ZBTB8A: variants seen among roughly 807,000 people sequenced by gnomAD.
ZBTB8A encodes zinc finger and BTB domain-containing protein 8A.
ZBTB8A carries 19 observed loss-of-function variants against 37.8 expected under a neutral mutation model. That is an observed-to-expected ratio of 0.50 (90% CI 0.35 to 0.74). ZBTB8A has a LOEUF of 0.74. Ranked by LOEUF, ZBTB8A falls within the 30% of genes least tolerant of loss-of-function variation. The pLI is 0.01. For missense variants in ZBTB8A, 394 were observed against 537.8 expected, an observed-to-expected ratio of 0.73 and a Z score of 2.65; for synonymous variants, 181 against 185.2, an observed-to-expected ratio of 0.98 and a Z score of 0.19.
At chr1:32,581,391 G>T (rs1473648661) in intron 2 of ZBTB8A, among the ~76,000 whole-genome samples, 1 of 142,202 alleles carries the variant, frequency 7.0e-6, no homozygotes, top group Non-Finnish European at 1.5e-5. Flanking sequence ...CCCTCTTGTT[G>T]CCCAGGCTGG....
rs1218841227 is a variant in ZBTB8A, at chr1:32,600,360, C to G, written c.1267C>G (p.Gln423Glu). The G allele has an allele frequency of 6.2e-7, 1 of 1,613,966 alleles. No homozygotes were observed. The highest frequency in any genetic ancestry group is 1.7e-5 in the Admixed American group (1 of 60,002). ...AGATGGGTCTGCTGATCTGGTCATC[C>G]AACAGGTTGATGATAGTGAAGAAGA... is the stretch of plus-strand genomic sequence containing the variant. ...VEDGSADLVI[Q>E]QVDDSEEEEE... Residue 423 changes from glutamine (Q) to glutamate (E), a missense_variant, in exon 5 of 5, where the codon CAA becomes GAA. This residue lies in a region of ZBTB8A where 85 missense variants were observed against 89.0 expected (regional missense o/e 0.95). Transcript: ENST00000373510.
chr1:32,550,578 C>T (rs569852862), intron 1 of ZBTB8A, among the ~76,000 whole-genome samples: 2 of 152,212 alleles, frequency 1.3e-5, no homozygotes, highest in Admixed American at 6.5e-5. Context: ...GAGCCAAGAT[C>T]GTGCCACTGT....
At chr1:32,586,673 C>G (rs2148245572) in intron 2 of ZBTB8A, among the ~76,000 whole-genome samples, 1 of 152,030 alleles carries the variant, frequency 6.6e-6, no homozygotes, top group East Asian at 1.9e-4. Context: ...GGCTGTGTGG[C>G]AGGAACATAC....
chr1:32,582,257 A>C (rs915658475), intron 2 of ZBTB8A, among the ~76,000 whole-genome samples: 1 of 152,144 alleles, frequency 6.6e-6, no homozygotes, highest in Admixed American at 6.6e-5. Flanking sequence ...TGGATTTTCC[A>C]ATTAGGGATG....
In ZBTB8A at chr1:32,603,079, C is replaced by G. The variant is rs1644589324; in HGVS notation, c.*2660C>G. The G allele has an allele frequency of 6.6e-6, 1 of 152,116 alleles. No individual in the cohort carries two copies. The highest frequency in any genetic ancestry group is 2.1e-4 in the South Asian group (1 of 4,826). The allele number at this position is 152,116 out of a possible 1,614,324, so 9.4% of individuals were successfully genotyped here. Reference sequence around the variant, plus strand: ...TGGCACATTTGCAGTTGCTTCAAGACTGGATGATGTGCATTGAGTTCTCTG... The same window carrying G: ...TGGCACATTTGCAGTTGCTTCAAGAGTGGATGATGTGCATTGAGTTCTCTG... On this transcript the variant is annotated 3_prime_UTR_variant, in exon 5 of 5. Transcript: ENST00000373510.
At chr1:32,542,441 G>T (rs1557698561) in intron 1 of ZBTB8A, among the ~76,000 whole-genome samples, 1 of 152,112 alleles carries the variant, frequency 6.6e-6, no homozygotes, top group Non-Finnish European at 1.5e-5. Context: ...GCACACAGTG[G>T]CAGGCACCTG....
At chr1:32,593,818 G>T in intron 3 of ZBTB8A, 64 bp downstream of exon 3, 2 of 1,263,906 alleles carry the variant, frequency 1.6e-6, no homozygotes, top group Non-Finnish European at 2.2e-6. Context: ...TCAGTCTACT[G>T]TCAAAACACC....
intron 1 of ZBTB8A, among the ~76,000 whole-genome samples, chr1:32,546,351 T>C (rs7515775): frequency 0.11 from 17,290 of 151,758 alleles, 1,084 homozygotes; most frequent in African/African-American, 0.18. Context: ...GGCTGAGGCA[T>C]GAGAATCACT....
intron 2 of ZBTB8A, among the ~76,000 whole-genome samples, chr1:32,592,048 G>A (rs1361161020): frequency 2.6e-5 from 4 of 151,828 alleles, no homozygotes; most frequent in South Asian, 2.1e-4. Context: ...TCACCATGTT[G>A]GCCAGGATGG....
intron 2 of ZBTB8A, among the ~76,000 whole-genome samples, chr1:32,561,425 G>A (rs1178093880): frequency 6.6e-6 from 1 of 152,046 alleles, no homozygotes; most frequent in Non-Finnish European, 1.5e-5. Flanking sequence ...AAGGTTGTAG[G>A]GCAGAGTCCT....
chr1:32,559,881 C>T (rs1054747879), intron 2 of ZBTB8A, among the ~76,000 whole-genome samples: 1 of 152,084 alleles, frequency 6.6e-6, no homozygotes, highest in Admixed American at 6.6e-5. Flanking sequence ...GATATGAGCA[C>T]GCTCAGCCCC....
At chr1:32,558,626 T>C (rs190852464) in intron 2 of ZBTB8A, among the ~76,000 whole-genome samples, 72 of 152,258 alleles carry the variant, frequency 4.7e-4, no homozygotes, top group African/African-American at 1.5e-3. Context: ...GATATAGATA[T>C]GGAGGCAGAG....
At chr1:32,584,064 G>C (rs896215357) in intron 2 of ZBTB8A, among the ~76,000 whole-genome samples, 1 of 152,016 alleles carries the variant, frequency 6.6e-6, no homozygotes, top group Non-Finnish European at 1.5e-5. Flanking sequence ...GACCAAGGAG[G>C]AGAGAATACT....
chr1:32,549,955 C>CT (rs1041820584), intron 1 of ZBTB8A, among the ~76,000 whole-genome samples: 1 of 152,202 alleles, frequency 6.6e-6, no homozygotes, highest in Non-Finnish European at 1.5e-5. Flanking sequence ...TCATTTCTGC[C>CT]TTCCGGATCT....
intron 1 of ZBTB8A, among the ~76,000 whole-genome samples, chr1:32,550,696 C>T (rs1365568989): frequency 1.3e-5 from 2 of 151,934 alleles, no homozygotes; most frequent in Non-Finnish European, 2.9e-5. Flanking sequence ...TGTTGGGTCA[C>T]GCCTGTAATC....
At chr1:32,562,894 T>G (rs1415897581) in intron 2 of ZBTB8A, among the ~76,000 whole-genome samples, 1 of 152,144 alleles carries the variant, frequency 6.6e-6, no homozygotes, top group African/African-American at 2.4e-5. Flanking sequence ...TGAGCTATTT[T>G]TAAGTACTGA....
At chr1:32,589,202 CAG>C (rs1460071725) in intron 2 of ZBTB8A, among the ~76,000 whole-genome samples, 2 of 151,988 alleles carry the variant, frequency 1.3e-5, no homozygotes, top group Non-Finnish European at 2.9e-5. Flanking sequence ...GTTTTTGAGA[CAG>C]AGTCTTGTTG....
At chr1:32,563,365 G>A (rs768588047) in intron 2 of ZBTB8A, among the ~76,000 whole-genome samples, 2 of 152,124 alleles carry the variant, frequency 1.3e-5, no homozygotes, top group African/African-American at 2.4e-5. Context: ...CCAAGGAAAG[G>A]GAGTTAATGA....
Position 32,571,824 on chromosome 1 carries a change from G to A in ZBTB8A, c.-2+18284G>A, listed in dbSNP as rs1477928745. ...ACTCCTGACTTCAGGTGATCCACCC[G>A]CCTCGGCCTCCCAAAGTGCTGGAAT... On this transcript the variant is annotated intron_variant, in intron 2 of 4. Transcript: ENST00000373510. Among the ~76,000 whole-genome samples, 3 of 151,906 alleles carry A rather than the reference G, an allele frequency of 2.0e-5. No individual in the cohort carries two copies. In the South Asian group the frequency reaches 6.2e-4, roughly 32 times the overall value.
Sources: allele counts gnomAD v4.1 joint callset (sites outside exome capture counted in the v4.1 genomes callset), GRCh38; gene constraint gnomAD v4.1.1; regional missense constraint gnomAD v4.1.1; transcripts MANE v1.5; gene names NCBI Gene and HGNC (gene_info 2026-07-23, HGNC 2026-07-21).